ADSS1: variants seen among roughly 807,000 people sequenced by gnomAD.
ADSS1 encodes the protein adenylosuccinate synthase 1.
A neutral mutation model predicts 59.1 loss-of-function variants in ADSS1; 57 were observed. That is an observed-to-expected ratio of 0.97 (90% CI 0.78 to 1.20). The LOEUF (loss-of-function observed/expected upper bound fraction) is 1.20, where lower values mean the gene tolerates loss of function less well. Among genes scored for constraint, ADSS1 ranks in the 50% most tolerant of loss-of-function variants. The probability of loss-of-function intolerance (pLI) is 0.00; values close to 1 mark genes in which losing one functional copy is unlikely to be tolerated. For missense variants in ADSS1, 603 were observed against 610.3 expected (o/e 0.99, Z 0.13); for synonymous variants, 247 against 249.4 (o/e 0.99, Z 0.09).
intron 5 of ADSS1, 53 bp downstream of exon 5, chr14:104,739,869 C>A: frequency 6.3e-7 from 1 of 1,592,104 alleles, no homozygotes; most frequent in Non-Finnish European, 8.6e-7. Context: ...GCCCGTAAGC[C>A]GGTAGACTGT....
At chr14:104,731,610 G>A (rs2140762033) in intron 1 of ADSS1, among the ~76,000 whole-genome samples, 1 of 152,334 alleles carries the variant, frequency 6.6e-6, no homozygotes, top group East Asian at 1.9e-4. Context: ...CAGAGGAGCA[G>A]GGCAGCCGAG....
At chr14:104,726,371 C>T (rs1022038201) in intron 1 of ADSS1, among the ~76,000 whole-genome samples, 2 of 152,226 alleles carry the variant, frequency 1.3e-5, no homozygotes, top group South Asian at 2.1e-4. Context: ...AGTGCGGGGA[C>T]CGAGCTGGAT....
At chr14:104,730,590 A>G (rs1338278541) in intron 1 of ADSS1, among the ~76,000 whole-genome samples, 1 of 152,062 alleles carries the variant, frequency 6.6e-6, no homozygotes, top group Non-Finnish European at 1.5e-5. Context: ...AGGTGTAGAG[A>G]GATATTTACT....
At chr14:104,744,737 G>T (rs1044338167) in intron 10 of ADSS1, 75 bp from the exon 11 acceptor site, 63 of 1,452,782 alleles carry the variant, frequency 4.3e-5, no homozygotes, top group Non-Finnish European at 6.0e-5. Context: ...GAAGCGAGAG[G>T]TCAAAAGCAA....
intron 10 of ADSS1, among the ~76,000 whole-genome samples, chr14:104,743,746 T>C (rs1891458686): frequency 1.3e-5 from 2 of 152,222 alleles, no homozygotes; most frequent in African/African-American, 2.4e-5. Context: ...CAGCCAAAAT[T>C]CCTGGAGAAT....
chr14:104,728,636 CA>C (rs1278276018), intron 1 of ADSS1, among the ~76,000 whole-genome samples: 1 of 152,240 alleles, frequency 6.6e-6, no homozygotes, highest in Non-Finnish European at 1.5e-5. Flanking sequence ...GTGCCGGGCA[CA>C]GTCGTCGTAC....
In ADSS1 at chr14:104,740,860, G is replaced by A; in HGVS notation, c.606G>A (p.Gln202=). The change falls in exon 7 of 13, where the codon CAG becomes CAA. Residue 202 remains glutamine, a synonymous_variant. Transcript: ENST00000330877. The surrounding 1 kb of genome is among the most constrained non-coding windows in gnomAD (Gnocchi z 4.8). Reference sequence around the variant, plus strand: ...GCAGATTCAAGAACCTGGCCCACCAGCACCAGTCGATGTTCCCCACCCTGG... The same window carrying A: ...GCAGATTCAAGAACCTGGCCCACCAACACCAGTCGATGTTCCCCACCCTGG... ...FSSRFKNLAH[Q]HQSMFPTLEI... is the part of the protein sequence containing the mutation. 1 of 1,613,922 alleles carries A rather than the reference G, an allele frequency of 6.2e-7. No individual in the cohort carries two copies. Among genetic ancestry groups the A allele is most frequent in the Non-Finnish European group, 8.5e-7 (1 of 1,180,008 alleles).
chr14:104,730,300 C>G (rs1890876085), intron 1 of ADSS1: 1 of 1,339,672 alleles, frequency 7.5e-7, no homozygotes. Context: ...TCAAGACCAG[C>G]CTGGCCAAGT....
chr14:104,736,401 A>G (rs998119264), intron 2 of ADSS1, among the ~76,000 whole-genome samples: 21 of 152,226 alleles, frequency 1.4e-4, no homozygotes, highest in Admixed American at 6.5e-5. Flanking sequence ...CCAAAGAGGC[A>G]CCGCTTAGCA....
intron 2 of ADSS1, 105 bp downstream of exon 2, chr14:104,735,227 C>A: frequency 9.4e-7 from 1 of 1,058,412 alleles, no homozygotes; most frequent in Non-Finnish European, 1.4e-6. Flanking sequence ...GTGATGACTG[C>A]TCTAGCAGTA....
chr14:104,725,386 T>C (rs947715521), intron 1 of ADSS1, among the ~76,000 whole-genome samples: 11 of 152,182 alleles, frequency 7.2e-5, no homozygotes, highest in African/African-American at 2.7e-4. Flanking sequence ...TGCCTGGGGC[T>C]GCTGCCAATA....
chr14:104,728,874 C>CTCCT (rs1359426760), intron 1 of ADSS1, among the ~76,000 whole-genome samples: 4 of 152,212 alleles, frequency 2.6e-5, no homozygotes, highest in Non-Finnish European at 5.9e-5. Context: ...CCACTGTCCC[C>CTCCT]TCCTCCCCAA....
chr14:104,744,583 T>G, intron 10 of ADSS1: 3 of 558,210 alleles, frequency 5.4e-6, no homozygotes, highest in Admixed American at 6.2e-5. Context: ...CAGGCTCCTG[T>G]GAGAATTGAA....
At chr14:104,736,533 G>T (rs1410070353) in intron 2 of ADSS1, among the ~76,000 whole-genome samples, 1 of 152,152 alleles carries the variant, frequency 6.6e-6, no homozygotes, top group Non-Finnish European at 1.5e-5. Flanking sequence ...ACCATGGCTT[G>T]CGTCGTCTCC....
intron 2 of ADSS1, among the ~76,000 whole-genome samples, chr14:104,735,996 T>TCA (rs1234957576): frequency 6.6e-6 from 1 of 151,980 alleles, no homozygotes; most frequent in Non-Finnish European, 1.5e-5. Context: ...GAAGTGGGGG[T>TCA]CAGGCGCCTC....
intron 2 of ADSS1, chr14:104,738,010 T>A (rs1168300125): frequency 4.2e-6 from 1 of 240,790 alleles, no homozygotes; most frequent in Non-Finnish European, 8.2e-6. Context: ...TGTTTGCTTG[T>A]TTGTTTTTTG....
chr14:104,730,955 GAGT>G (rs1205658726), intron 1 of ADSS1, among the ~76,000 whole-genome samples: 2 of 94,626 alleles, frequency 2.1e-5, no homozygotes, highest in Non-Finnish European at 4.6e-5. Context: ...ACTAGGCAGA[GAGT>G]GGGGGGGGGG....
chr14:104,744,634 G>A (rs572214731), intron 10 of ADSS1, 178 bp from the exon 11 acceptor site: 9 of 593,018 alleles, frequency 1.5e-5, no homozygotes, highest in African/African-American at 7.4e-5. Flanking sequence ...TAGCTTGCCC[G>A]CCACTCATCT....
chr14:104,744,891 A>G lies in ADSS1; in HGVS notation c.1153A>G (p.Arg385Gly). The G allele has an allele frequency of 6.2e-7, 1 of 1,614,020 alleles. No homozygotes were observed. The highest frequency in any genetic ancestry group is 8.5e-7 in the Non-Finnish European group (1 of 1,179,958). Residue 385 changes from arginine (R) to glycine (G), a missense_variant, in exon 11 of 13, where the codon AGG becomes GGG. Transcript: ENST00000330877. ...TGTCTCATACAAGCTGAACGGGAAAAGGATTCCCTATTTCCCAGGTATGTG... is the reference window on the plus strand; with the variant it reads ...TGTCTCATACAAGCTGAACGGGAAAGGGATTCCCTATTTCCCAGGTATGTG... ...VGVSYKLNGK[R>G]IPYFPANQEM...
Sources: gnomAD v4.1 joint callset for allele counts (sites outside exome capture counted in the v4.1 genomes callset) on GRCh38, gnomAD v4.1.1 for gene constraint, Gnocchi (gnomAD v3.1) non-coding constraint, MANE v1.5 for transcripts, NCBI Gene and HGNC (gene_info 2026-07-23, HGNC 2026-07-21) for gene names.